Variants in SEMA4B observed in about 807,000 individuals in gnomAD.
SEMA4B encodes the protein semaphorin 4B.
In SEMA4B, 55 loss-of-function variants were observed where a neutral mutation model predicts 88.1. That is an observed-to-expected ratio of 0.62 (90% CI 0.50 to 0.78). SEMA4B has a LOEUF of 0.78. Among genes scored for constraint, SEMA4B ranks in the 30% least tolerant of loss-of-function variants. SEMA4B has a pLI of 0.00. For missense variants in SEMA4B, 1,062 were observed against 1,111.9 expected, an observed-to-expected ratio of 0.96 and a Z score of 0.64; for synonymous variants, 525 against 473.6, an observed-to-expected ratio of 1.11 and a Z score of -1.41.
Position 90,225,408 on chromosome 15 carries a change from C to G in SEMA4B, c.1521+11C>G. 1 of 1,547,556 alleles carries G rather than the reference C, an allele frequency of 6.5e-7. No individual in the cohort carries two copies. Among genetic ancestry groups the G allele is most frequent in the African/African-American group, 1.4e-5 (1 of 73,082 alleles). On this transcript the variant is annotated intron_variant, in intron 11 of 13. Coordinates refer to ENST00000411539, the MANE Select transcript of SEMA4B (RefSeq NM_198925.4). ...CTGGACACCCACAGGGTGAGCAGGC[C>G]AACGAGGAATCCTGGCAGGGTACTT...
intron 7 of SEMA4B, among the ~76,000 whole-genome samples, chr15:90,222,971 T>TATACACA (rs3029968): frequency 2.4e-5 from 3 of 123,636 alleles, no homozygotes; most frequent in African/African-American, 3.6e-5. Context: ...TATATATACA[T>TATACACA]TTTTTTTTTT....
intron 1 of SEMA4B, among the ~76,000 whole-genome samples, chr15:90,207,510 A>G (rs571433066): frequency 1.3e-5 from 2 of 152,312 alleles, no homozygotes; most frequent in South Asian, 2.1e-4. Flanking sequence ...GTGGAAGTGC[A>G]TTGCTTTATC....
chr15:90,221,470 C>A lies in SEMA4B; in HGVS notation c.699C>A (p.Asn233Lys). Reference protein sequence around the residue: ...LRPTKTESSLNWLQDPAFVAS... With the variant: ...LRPTKTESSLKWLQDPAFVAS... ...CCACCAAGACCGAGAGCTCCCTCAACTGGCTGCAAGGTGAAGTCCTCTTGC... is the reference window on the plus strand; with the variant it reads ...CCACCAAGACCGAGAGCTCCCTCAAATGGCTGCAAGGTGAAGTCCTCTTGC... The change falls in exon 6 of 14, where the codon AAC becomes AAA. Residue 233 changes from asparagine to lysine, a missense_variant. Asn to Lys is a moderately conservative substitution (Grantham distance 94). Coordinates refer to ENST00000411539, the MANE Select transcript of SEMA4B (RefSeq NM_198925.4). 6.3e-7 allele frequency: 1 copy of A among 1,595,874 alleles called. No homozygotes were observed. The highest frequency in any genetic ancestry group is 1.1e-5 in the South Asian group (1 of 88,650).
rs10438409 is a variant in SEMA4B, at chr15:90,226,753, C to T, written c.1689-804C>T. Among the ~76,000 whole-genome samples the T allele has an allele frequency of 8.9e-3, 1,355 of 152,210 alleles. 34 individuals carry two copies. Among genetic ancestry groups the T allele is most frequent in the African/African-American group, 0.031 (1,267 of 41,518 alleles). The stretch of plus-strand genomic sequence containing the variant: ...TACAAAAACCAAGTGAGTTTTGGTG[C>T]GTATGCCAGGAGGGACACCCCAGAA... On this transcript the variant is annotated intron_variant, in intron 12 of 13. Coordinates refer to ENST00000411539, the MANE Select transcript of SEMA4B (RefSeq NM_198925.4).
chr15:90,191,535 C>T (rs1960343761), intron 1 of SEMA4B, among the ~76,000 whole-genome samples: 1 of 152,164 alleles, frequency 6.6e-6, no homozygotes, highest in Non-Finnish European at 1.5e-5. Context: ...CTGTTCATAG[C>T]ACTCCGTCCT....
intron 1 of SEMA4B, among the ~76,000 whole-genome samples, chr15:90,186,225 C>T (rs114957658): frequency 3.4e-3 from 513 of 152,166 alleles, no homozygotes; most frequent in African/African-American, 0.012. Flanking sequence ...TGAGCCACCA[C>T]GCCTGGCCTT....
At chr15:90,216,113 C>G (rs770478817) in intron 1 of SEMA4B, among the ~76,000 whole-genome samples, 5 of 151,830 alleles carry the variant, frequency 3.3e-5, no homozygotes, top group African/African-American at 9.7e-5. Flanking sequence ...CTCAGCCTCC[C>G]GAGTAGCTGG....
Position 90,229,218 on chromosome 15 carries a change from A to C in SEMA4B, c.*575A>C. 1 of 435,610 alleles carries C rather than the reference A, an allele frequency of 2.3e-6. No individual in the cohort carries two copies. The highest frequency in any genetic ancestry group is 4.7e-6 in the Non-Finnish European group (1 of 214,808). The allele number at this position is 435,610 out of a possible 1,614,324, so 27.0% of individuals were successfully genotyped here. Reference sequence around the variant, plus strand: ...CTGCCGTCGTCCCACCACCTCAGGGACCAGAGGGCTAGGTTGGCACTGCGG... The same window carrying C: ...CTGCCGTCGTCCCACCACCTCAGGGCCCAGAGGGCTAGGTTGGCACTGCGG... On this transcript the variant is annotated 3_prime_UTR_variant, in exon 14 of 14. Coordinates refer to ENST00000411539, the MANE Select transcript of SEMA4B (RefSeq NM_198925.4).
chr15:90,196,270 G>A (rs540947284), intron 1 of SEMA4B, among the ~76,000 whole-genome samples: 17 of 152,036 alleles, frequency 1.1e-4, no homozygotes, highest in African/African-American at 1.9e-4. Flanking sequence ...GGAAAATTAC[G>A]TCAAATAGTC....
chr15:90,210,276 G>A (rs970203338), intron 1 of SEMA4B, among the ~76,000 whole-genome samples: 4 of 152,146 alleles, frequency 2.6e-5, no homozygotes, highest in African/African-American at 7.2e-5. Flanking sequence ...CACCCACAGA[G>A]GCCCTTCTGC....
At chr15:90,205,643 C>T (rs138314829) in intron 1 of SEMA4B, among the ~76,000 whole-genome samples, 396 of 152,300 alleles carry the variant, frequency 2.6e-3, no homozygotes, top group African/African-American at 9.0e-3. Context: ...ATGCTGCATC[C>T]GTAGTAAAAA....
chr15:90,222,009 G>A (rs1223232904), intron 7 of SEMA4B, among the ~76,000 whole-genome samples: 1 of 151,028 alleles, frequency 6.6e-6, no homozygotes, highest in Non-Finnish European at 1.5e-5. Context: ...GCACGATCAC[G>A]GTTCACTGCA....
chr15:90,205,826 A>T (rs1340434614), intron 1 of SEMA4B, among the ~76,000 whole-genome samples: 2 of 152,176 alleles, frequency 1.3e-5, no homozygotes, highest in South Asian at 2.1e-4. Flanking sequence ...CCAGGAGCTG[A>T]TTGGAGGTCA....
intron 1 of SEMA4B, chr15:90,206,888 G>A: frequency 2.8e-6 from 2 of 706,910 alleles, no homozygotes; most frequent in South Asian, 1.4e-5. Flanking sequence ...GTTGGTTGCA[G>A]TTGTATAGTA....
rs770178380 is a variant in SEMA4B, at chr15:90,217,531, G to A, written c.250G>A (p.Val84Met). Residue 84 changes from valine to methionine, a missense_variant, in exon 2 of 14, where the codon GTG becomes ATG. Physicochemically the swap from Val to Met is conservative, Grantham distance 21 (BLOSUM62 1). Coordinates refer to ENST00000411539, the MANE Select transcript of SEMA4B (RefSeq NM_198925.4). ...GAGCAGGGATGGCAGGACCCTGTAC[G>A]TGGGTGCTCGAGAGGCCCTCTTTGC... The part of the protein sequence containing the change: ...LLSRDGRTLY[V>M]GAREALFALS... 6.2e-6 allele frequency: 10 copies of A among 1,613,852 alleles called. No homozygotes were observed. Among genetic ancestry groups the A allele is most frequent in the East Asian group, 2.2e-5 (1 of 44,886 alleles).
At chr15:90,208,291 C>T (rs1961091301) in intron 1 of SEMA4B, among the ~76,000 whole-genome samples, 1 of 151,856 alleles carries the variant, frequency 6.6e-6, no homozygotes, top group Non-Finnish European at 1.5e-5. Context: ...TAATTAGTTG[C>T]TGATATTTAA....
At chr15:90,208,254 CAA>C (rs778062774) in intron 1 of SEMA4B, among the ~76,000 whole-genome samples, 8 of 122,310 alleles carry the variant, frequency 6.5e-5, no homozygotes, top group Non-Finnish European at 7.1e-5. Context: ...AACTCCATCT[CAA>C]AAAAAAAAAA....
In SEMA4B at chr15:90,201,520, T is replaced by A; in HGVS notation, c.-59T>A. 7.5e-7 allele frequency: 1 copy of A among 1,339,628 alleles called. No individual in the cohort carries two copies. The allele number at this position is 1,339,628 out of a possible 1,614,324, so 83.0% of individuals were successfully genotyped here. The stretch of plus-strand genomic sequence containing the variant: ...GACCGCGGGGCGGAGCTGCCGCCCG[T>A]GAGTCCGGCCGAGCCACCTGAGCCC... On this transcript the variant is annotated 5_prime_UTR_variant, in exon 1 of 14. Transcript: ENST00000411539.
Position 90,228,676 on chromosome 15 carries a change from C to CA in SEMA4B, c.*34dup. On this transcript the variant is annotated 3_prime_UTR_variant, in exon 14 of 14. Transcript: ENST00000411539. ...CTTCCAGAGGACGCTGCCCTGGCTT[C>CA]AGGGGCTGTGAATGCTCGGAGAGGG... 1 of 1,611,798 alleles carries CA rather than the reference C, an allele frequency of 6.2e-7. No individual in the cohort carries two copies. Among genetic ancestry groups the CA allele is most frequent in the Non-Finnish European group, 8.5e-7 (1 of 1,179,500 alleles).
Sources: allele counts gnomAD v4.1 joint callset (sites outside exome capture counted in the v4.1 genomes callset), GRCh38; gene constraint gnomAD v4.1.1; transcripts MANE v1.5; gene names NCBI Gene and HGNC (gene_info 2026-07-23, HGNC 2026-07-21).